The following ARHGEF26 variants were observed in gnomAD, a reference collection of about 807,000 sequenced individuals.
The protein encoded by ARHGEF26 is Rho guanine nucleotide exchange factor (GEF) 26.
ARHGEF26 carries 59 observed loss-of-function variants against 89.4 expected under a neutral mutation model. That is an observed-to-expected ratio of 0.66 (90% CI 0.54 to 0.82). ARHGEF26 has a LOEUF of 0.82. Among genes scored for constraint, ARHGEF26 ranks in the 40% least tolerant of loss-of-function variants. The probability of loss-of-function intolerance (pLI) is 0.00; values close to 1 mark genes in which losing one functional copy is unlikely to be tolerated. For synonymous variants in ARHGEF26, 500 were observed against 428.4 expected, an observed-to-expected ratio of 1.17 and a Z score of -2.06; for missense variants, 1,234 against 1,085.6, an observed-to-expected ratio of 1.14 and a Z score of -1.92.
At chr3:154,149,315 A>T in intron 4 of ARHGEF26, 74 bp from the exon 5 acceptor site, 1 of 1,204,766 alleles carries the variant, frequency 8.3e-7, no homozygotes, top group African/African-American at 1.5e-5. Flanking sequence ...GCATAGAGTT[A>T]TGCCTTGAAT....
chr3:154,141,418 T>C (rs1230495604), intron 4 of ARHGEF26, among the ~76,000 whole-genome samples: 1 of 152,200 alleles, frequency 6.6e-6, no homozygotes, highest in Non-Finnish European at 1.5e-5. Context: ...GTCATTTAGC[T>C]AGGTGCTTAA....
chr3:154,222,709 A>G lies in ARHGEF26; in HGVS notation c.1936-3147A>G, dbSNP rs560151901. Among the ~76,000 whole-genome samples, 46 of 152,314 alleles carry G rather than the reference A, an allele frequency of 3.0e-4. 1 individual carries two copies. The South Asian group carries it at 9.3e-3, about 31-fold the overall frequency. ...GCAGTTGAAGCAGATTAGACTTTTCATTCCAGAAGCTTGACTATCAAGAGG... is the reference window on the plus strand; with the variant it reads ...GCAGTTGAAGCAGATTAGACTTTTCGTTCCAGAAGCTTGACTATCAAGAGG... On this transcript the variant is annotated intron_variant, in intron 10 of 14. Transcript: ENST00000465093.
At chr3:154,125,322 G>T (rs1371132081) in intron 3 of ARHGEF26, among the ~76,000 whole-genome samples, 1 of 152,138 alleles carries the variant, frequency 6.6e-6, no homozygotes, top group East Asian at 1.9e-4. Flanking sequence ...TTTCCCATTG[G>T]AACATTTATA....
intron 9 of ARHGEF26, among the ~76,000 whole-genome samples, chr3:154,196,639 A>C (rs1433193210): frequency 6.6e-6 from 1 of 152,146 alleles, no homozygotes; most frequent in African/African-American, 2.4e-5. Context: ...TCATCTCTTC[A>C]TCCCATCAGT....
chr3:154,171,270 CT>C (rs1048260334), intron 6 of ARHGEF26, among the ~76,000 whole-genome samples: 11 of 152,142 alleles, frequency 7.2e-5, no homozygotes, highest in African/African-American at 2.7e-4. Flanking sequence ...TATATACCCC[CT>C]GATGCTGCTC....
In ARHGEF26 at chr3:154,216,519, T is replaced by A. The variant is rs1414862679; in HGVS notation, c.1846-1350T>A. 5.1e-3 allele frequency among the ~76,000 whole-genome samples: 729 copies of A among 143,308 alleles called. 8 individuals carry two copies. The highest frequency in any genetic ancestry group is 0.018 in the African/African-American group (690 of 38,838). The allele number at this position is 143,308 out of a possible 152,430, so 94.0% of individuals were successfully genotyped here. On this transcript the variant is annotated intron_variant, in intron 9 of 14. Coordinates refer to ENST00000465093, the MANE Select transcript of ARHGEF26 (RefSeq NM_015595.4). The stretch of plus-strand genomic sequence containing the variant: ...TTTTTTTTATTTTTTATTTTTTTTT[T>A]ATGTCTATACAAAATATTTATTTTT...
At chr3:154,214,615 A>G (rs1451122519) in intron 9 of ARHGEF26, among the ~76,000 whole-genome samples, 1 of 152,154 alleles carries the variant, frequency 6.6e-6, no homozygotes, top group Non-Finnish European at 1.5e-5. Flanking sequence ...GCTCTGGGAA[A>G]TTTAAGAAGA....
chr3:154,159,353 C>T (rs1478345391), intron 6 of ARHGEF26, among the ~76,000 whole-genome samples: 2 of 152,178 alleles, frequency 1.3e-5, no homozygotes, highest in East Asian at 1.9e-4. Flanking sequence ...TAAAACTATG[C>T]TTGTCTTCAA....
At chr3:154,226,719 A>G (rs2122363) in intron 11 of ARHGEF26, among the ~76,000 whole-genome samples, 26,686 of 151,124 alleles carry the variant, frequency 0.18, 2,989 homozygotes, top group South Asian at 0.36. Context: ...GCCTTTCTCT[A>G]GGGAACATAC....
intron 6 of ARHGEF26, among the ~76,000 whole-genome samples, chr3:154,170,918 A>G (rs1712391944): frequency 6.6e-6 from 1 of 152,184 alleles, no homozygotes; most frequent in African/African-American, 2.4e-5. Flanking sequence ...ATTATTGGCT[A>G]TTTCTGTAAA....
chr3:154,213,886 G>A (rs186505134), intron 9 of ARHGEF26, among the ~76,000 whole-genome samples: 14 of 152,230 alleles, frequency 9.2e-5, no homozygotes, highest in African/African-American at 3.1e-4. Flanking sequence ...ATATCCCATT[G>A]GGCGTTAGGT....
rs2108312968 is a variant in ARHGEF26, at chr3:154,257,040, A to G, written c.*1567A>G. ...ACATTATTGGAGGACTCAAATCTGT[A>G]TGTGACATGTCCCAACTACTGTCCG... On this transcript the variant is annotated 3_prime_UTR_variant, in exon 15 of 15. Transcript: ENST00000465093. 7.0e-7 allele frequency: 1 copy of G among 1,437,392 alleles called. No individual in the cohort carries two copies. The highest frequency in any genetic ancestry group is 1.8e-4 in the Middle Eastern group (1 of 5,534). 89.0% of individuals were successfully genotyped at this position (1,437,392 alleles called of 1,614,324 possible). A position where few individuals can be genotyped will look rare whatever the true frequency, so the allele number is the denominator to read the frequency against.
chr3:154,158,902 A>T (rs182996108), intron 6 of ARHGEF26, among the ~76,000 whole-genome samples: 1 of 152,270 alleles, frequency 6.6e-6, no homozygotes, highest in Non-Finnish European at 1.5e-5. Context: ...AATGTGATTA[A>T]CTTACAATGA....
chr3:154,255,559 G>T lies in ARHGEF26; in HGVS notation c.*86G>T, dbSNP rs905874594. The T allele has an allele frequency of 6.0e-6, 9 of 1,506,546 alleles. No individual in the cohort carries two copies. The African/African-American group carries it at 1.1e-4, about 19-fold the overall frequency. The allele number at this position is 1,506,546 out of a possible 1,614,324, so 93.3% of individuals were successfully genotyped here. A position where few individuals can be genotyped will look rare whatever the true frequency, so the allele number is the denominator to read the frequency against. ...CTGGGCTAGTTTTATTGTTAATTTT[G>T]TCACAGCCTATTTAATTAAAAGAAC... On this transcript the variant is annotated 3_prime_UTR_variant, in exon 15 of 15. Coordinates refer to ENST00000465093, the MANE Select transcript of ARHGEF26 (RefSeq NM_015595.4).
intron 4 of ARHGEF26, among the ~76,000 whole-genome samples, chr3:154,136,332 G>GTATTTTAATTTTAATTAAAA (rs1719006249): frequency 2.2e-5 from 1 of 45,394 alleles, no homozygotes; most frequent in African/African-American, 6.7e-5. Context: ...TTTAATTAAA[G>GTATTTTAATTTTAATTAAAA]TATTTTTCAG....
At chr3:154,216,076 G>A (rs1258902440) in intron 9 of ARHGEF26, among the ~76,000 whole-genome samples, 2 of 152,146 alleles carry the variant, frequency 1.3e-5, no homozygotes, top group South Asian at 2.1e-4. Context: ...TGCAGTGGGA[G>A]TAGGTCAGGA....
chr3:154,186,886 CT>C (rs201150057), intron 6 of ARHGEF26, among the ~76,000 whole-genome samples: 17 of 82,078 alleles, frequency 2.1e-4, no homozygotes, highest in East Asian at 2.9e-4. Context: ...TTATTTCAGA[CT>C]TTTTTTTTTT....
rs1718606567 is a variant in ARHGEF26 at position 154,130,242 on chromosome 3, G to A, written c.1269+523G>A. 2.8e-5 allele frequency among the ~76,000 whole-genome samples: 4 copies of A among 145,288 alleles called. No individual in the cohort carries two copies. In the South Asian group the frequency reaches 6.5e-4, roughly 24 times the overall value. On this transcript the variant is annotated intron_variant, in intron 4 of 14. Transcript: ENST00000465093. ...GCTCACTGCAGTCTCCCAGGTTCAT[G>A]TGATTCTCCTGCCTCAGCCTCCTGA...
At chr3:154,150,080 GTA>G (rs1719929482) in intron 5 of ARHGEF26, among the ~76,000 whole-genome samples, 1 of 144,250 alleles carries the variant, frequency 6.9e-6, no homozygotes, top group Non-Finnish European at 1.5e-5. Context: ...GTGTGTGTGT[GTA>G]TGTCAATGCA....
Sources: allele counts gnomAD v4.1 joint callset (sites outside exome capture counted in the v4.1 genomes callset), GRCh38; gene constraint gnomAD v4.1.1; transcripts MANE v1.5; gene names NCBI Gene and HGNC (gene_info 2026-07-23, HGNC 2026-07-21).